Variants in AXDND1 observed in about 807,000 individuals in gnomAD.
AXDND1 encodes the protein axonemal dynein light chain domain containing 1, also known as axonemal dynein light chain domain-containing protein 1.
A neutral mutation model predicts 137.5 loss-of-function variants in AXDND1; 110 were observed. That is an observed-to-expected ratio of 0.80 (90% CI 0.69 to 0.94). AXDND1 has a LOEUF of 0.94. Ranked by LOEUF, AXDND1 falls within the 40% of genes least tolerant of loss-of-function variation. The probability of loss-of-function intolerance (pLI) is 0.00; values close to 1 mark genes in which losing one functional copy is unlikely to be tolerated. For synonymous variants in AXDND1, 414 were observed against 399.7 expected (o/e 1.04, Z -0.43); for missense variants, 1,191 against 1,169.8 (o/e 1.02, Z -0.26).
rs542511843 is a variant in AXDND1 at position 179,395,285 on chromosome 1, A to G, written c.1109+83A>G. On this transcript the variant is annotated intron_variant, in intron 11 of 25. Transcript: ENST00000367618. ...CTTCTGAAATAATATATATGATACT[A>G]TAACTTCTTGAATTCTAAAATCACA... 2.0e-5 allele frequency: 21 copies of G among 1,051,202 alleles called. No homozygotes were observed. In the East Asian group the frequency reaches 3.7e-4, roughly 19 times the overall value. The allele number at this position is 1,051,202 out of a possible 1,614,324, so 65.1% of individuals were successfully genotyped here.
chr1:179,384,721 G>C (rs1386315468), intron 8 of AXDND1, among the ~76,000 whole-genome samples: 2 of 151,840 alleles, frequency 1.3e-5, no homozygotes, highest in African/African-American at 4.8e-5. Context: ...CTATAACATA[G>C]AAGTGATATT....
At chr1:179,370,196 A>G in intron 4 of AXDND1, 118 bp downstream of exon 4, 1 of 822,404 alleles carries the variant, frequency 1.2e-6, no homozygotes. Context: ...GATAAAATTT[A>G]CAGTATCTTT....
chr1:179,482,208 A>G (rs1214337391), intron 17 of AXDND1, among the ~76,000 whole-genome samples: 1 of 145,410 alleles, frequency 6.9e-6, no homozygotes, highest in African/African-American at 2.6e-5. Context: ...TCTCTGAGTG[A>G]CACTCACACT....
intron 16 of AXDND1, 107 bp downstream of exon 16, chr1:179,445,311 T>A: frequency 1.2e-6 from 1 of 865,938 alleles, no homozygotes; most frequent in East Asian, 2.8e-5. Flanking sequence ...TCCATATAGT[T>A]TTAAAAACCA....
intron 11 of AXDND1, among the ~76,000 whole-genome samples, chr1:179,399,036 A>C (rs972839091): frequency 2.6e-5 from 4 of 152,172 alleles, no homozygotes; most frequent in Non-Finnish European, 5.9e-5. Context: ...GGGAAGCTGC[A>C]GTATTGGGAG....
chr1:179,415,060 G>T (rs1259282326), intron 12 of AXDND1, among the ~76,000 whole-genome samples: 1 of 152,118 alleles, frequency 6.6e-6, no homozygotes, highest in African/African-American at 2.4e-5. Flanking sequence ...TTTAGATTTC[G>T]GCTGGGCGTG....
At chr1:179,481,907 T>C (rs994012989) in intron 17 of AXDND1, among the ~76,000 whole-genome samples, 1 of 152,180 alleles carries the variant, frequency 6.6e-6, no homozygotes, top group East Asian at 1.9e-4. Flanking sequence ...AGTGGCCTTC[T>C]TCTAGTTGTC....
chr1:179,456,913 C>T, intron 16 of AXDND1: 2 of 1,154,888 alleles, frequency 1.7e-6, no homozygotes, highest in Non-Finnish European at 2.6e-6. Context: ...CTTTTCTTGC[C>T]ACTGCCTCAG....
At chr1:179,471,044 A>G (rs1267753028) in intron 17 of AXDND1, among the ~76,000 whole-genome samples, 5 of 152,138 alleles carry the variant, frequency 3.3e-5, no homozygotes, top group Non-Finnish European at 7.4e-5. Flanking sequence ...GATGTATTAC[A>G]TTCATTGTCT....
At chr1:179,505,822 A>G (rs1232911454) in intron 20 of AXDND1, among the ~76,000 whole-genome samples, 1 of 152,144 alleles carries the variant, frequency 6.6e-6, no homozygotes, top group Non-Finnish European at 1.5e-5. Context: ...CAAGAGTACT[A>G]AGGCAGTCCA....
chr1:179,539,861 C>T (rs185928713), intron 25 of AXDND1, among the ~76,000 whole-genome samples: 12 of 152,170 alleles, frequency 7.9e-5, no homozygotes, highest in Non-Finnish European at 1.5e-4. Context: ...CACATAGTCC[C>T]ATATTTCTTG....
rs1673807697 is a variant in AXDND1 at position 179,554,650 on chromosome 1, T to A, written c.*131T>A. On this transcript the variant is annotated 3_prime_UTR_variant, in exon 26 of 26. Coordinates refer to ENST00000367618, the MANE Select transcript of AXDND1 (RefSeq NM_144696.6). ...AACATTCCCTTTGAAAGGACATTATTTGCCTGTTGTATTTAACTTCACAGT... is the reference window on the plus strand; with the variant it reads ...AACATTCCCTTTGAAAGGACATTATATGCCTGTTGTATTTAACTTCACAGT... The A allele has an allele frequency of 1.2e-5, 17 of 1,402,114 alleles. No homozygotes were observed. In the South Asian group the frequency reaches 1.8e-4, roughly 15 times the overall value. 86.9% of individuals were successfully genotyped at this position (1,402,114 alleles called of 1,614,324 possible).
rs904287472 is a variant in AXDND1, at chr1:179,368,686, G to A, written c.98-114G>A. On this transcript the variant is annotated intron_variant, in intron 2 of 25. Transcript: ENST00000367618. The stretch of plus-strand genomic sequence containing the variant: ...TATTTGTTACTATCTTTGTCAAATA[G>A]AAGCAATGTTTCTCTCTGTTAGAAA... 4 of 810,094 alleles carry A rather than the reference G, an allele frequency of 4.9e-6. No individual in the cohort carries two copies. In the African/African-American group the frequency reaches 7.0e-5, roughly 14 times the overall value. 50.2% of individuals were successfully genotyped at this position (810,094 alleles called of 1,614,324 possible).
intron 12 of AXDND1, among the ~76,000 whole-genome samples, chr1:179,421,374 T>C (rs907072764): frequency 2.8e-5 from 1 of 35,860 alleles, no homozygotes; most frequent in Non-Finnish European, 6.4e-5. Context: ...TTCCTTTTTT[T>C]TTTTTTTTTT....
At chr1:179,466,970 G>A (rs1663283440) in intron 16 of AXDND1, among the ~76,000 whole-genome samples, 1 of 152,086 alleles carries the variant, frequency 6.6e-6, no homozygotes, top group African/African-American at 2.4e-5. Context: ...TAATGCTTCA[G>A]AGAATTAGGG....
In AXDND1 at chr1:179,503,393, G is replaced by A. The variant is rs114123642; in HGVS notation, c.2389-5903G>A. On this transcript the variant is annotated intron_variant, in intron 20 of 25. Coordinates refer to ENST00000367618, the MANE Select transcript of AXDND1 (RefSeq NM_144696.6). ...AATACATTTTAAATCTCTAGGAGAT[G>A]GAGACTTTTCTAGGAAAATAGTATC... is the stretch of plus-strand genomic sequence containing the variant. 1.3e-3 allele frequency among the ~76,000 whole-genome samples: 197 copies of A among 151,942 alleles called. 2 individuals are homozygous for A. The highest frequency in any genetic ancestry group is 4.5e-3 in the African/African-American group (187 of 41,474).
intron 25 of AXDND1, among the ~76,000 whole-genome samples, chr1:179,540,207 C>T (rs984657964): frequency 6.6e-6 from 1 of 152,136 alleles, no homozygotes; most frequent in African/African-American, 2.4e-5. Flanking sequence ...ACTCATCAAA[C>T]TCATTCTCCA....
rs781246634 is a variant in AXDND1, at chr1:179,551,314, A to G, written c.3032-3198A>G. 5.6e-6 allele frequency: 9 copies of G among 1,614,054 alleles called. 1 individual carries two copies. In the South Asian group the frequency reaches 9.9e-5, roughly 18 times the overall value. On this transcript the variant is annotated intron_variant, in intron 25 of 25. Transcript: ENST00000367618. ...GGTCAAATGGCAAAGGTAAAACCAC[A>G]GTGGAAGGCTTCTCTGTGGACAGAG... is the stretch of plus-strand genomic sequence containing the variant.
chr1:179,395,093 T>C lies in AXDND1; in HGVS notation c.1005-5T>C. 1 of 1,588,074 alleles carries C rather than the reference T, an allele frequency of 6.3e-7. No individual in the cohort carries two copies. The highest frequency in any genetic ancestry group is 1.2e-5 in the South Asian group (1 of 86,082). ...TGAATTAAAAATTTCTTTGCTTTAT[T>C]TCAGGGAACTGTGTCTAGTTCGGGC... On this transcript the variant is annotated splice_polypyrimidine_tract_variant and splice_region_variant and intron_variant, in intron 10 of 25. Coordinates refer to ENST00000367618, the MANE Select transcript of AXDND1 (RefSeq NM_144696.6).
Sources: allele counts gnomAD v4.1 joint callset (sites outside exome capture counted in the v4.1 genomes callset), GRCh38; gene constraint gnomAD v4.1.1; transcripts MANE v1.5; gene names NCBI Gene and HGNC (gene_info 2026-07-23, HGNC 2026-07-21).